Variants in DACH1 observed in about 807,000 individuals in gnomAD.
The protein encoded by DACH1 is dachshund homolog 1.
Under a neutral mutation model 54.2 loss-of-function variants are expected in DACH1, and 12 were observed. The observed-to-expected ratio is 0.22, with a 90% CI of 0.14 to 0.36. The LOEUF is 0.36. Ranked by LOEUF, DACH1 falls within the 10% of genes least tolerant of loss-of-function variation. DACH1 has a pLI of 1.00. For synonymous variants in DACH1, 386 were observed against 366.2 expected (o/e 1.05, Z -0.62); for missense variants, 805 against 929.8 (o/e 0.87, Z 1.75).
chr13:71,669,553 C>T (rs1434670876), intron 2 of DACH1, among the ~76,000 whole-genome samples: 1 of 152,018 alleles, frequency 6.6e-6, no homozygotes, highest in East Asian at 1.9e-4. Flanking sequence ...TGAATCATCC[C>T]AAAACCATAC....
At chr13:71,830,982 T>C (rs1888564185) in intron 1 of DACH1, among the ~76,000 whole-genome samples, 1 of 151,894 alleles carries the variant, frequency 6.6e-6, no homozygotes, top group Non-Finnish European at 1.5e-5. Context: ...AAAGGCAATA[T>C]GTTAGGGAAT....
intron 6 of DACH1, among the ~76,000 whole-genome samples, chr13:71,527,125 A>G (rs143016718): frequency 6.6e-6 from 1 of 152,034 alleles, no homozygotes; most frequent in African/African-American, 2.4e-5. Flanking sequence ...AGTTGCCTTC[A>G]ATATGTTTGC....
At chr13:71,571,766 C>T (rs1254083421) in intron 4 of DACH1, among the ~76,000 whole-genome samples, 2 of 142,504 alleles carry the variant, frequency 1.4e-5, no homozygotes, top group African/African-American at 2.6e-5. Context: ...GACGGAGTCT[C>T]ACTGTGTCAC....
At chr13:71,493,012 A>G (rs1879116150) in intron 6 of DACH1, among the ~76,000 whole-genome samples, 1 of 151,528 alleles carries the variant, frequency 6.6e-6, no homozygotes, top group African/African-American at 2.4e-5. Context: ...CTTTTTTGTG[A>G]CATGTTCTTA....
intron 6 of DACH1, among the ~76,000 whole-genome samples, chr13:71,513,170 T>C (rs1293705371): frequency 6.6e-6 from 1 of 151,970 alleles, no homozygotes; most frequent in Admixed American, 6.6e-5. Context: ...ATTAATGTGC[T>C]GAAATCCTTT....
intron 1 of DACH1, among the ~76,000 whole-genome samples, chr13:71,740,590 A>G (rs1459788512): frequency 2.6e-5 from 4 of 152,168 alleles, no homozygotes; most frequent in East Asian, 3.9e-4. Flanking sequence ...TTATGTTAAG[A>G]CAGTTCAAAT....
intron 6 of DACH1, among the ~76,000 whole-genome samples, chr13:71,513,692 T>C (rs1270419295): frequency 1.3e-5 from 2 of 152,106 alleles, no homozygotes; most frequent in Admixed American, 6.6e-5. Flanking sequence ...TCATATTAAA[T>C]CTAAACAATT....
intron 6 of DACH1, among the ~76,000 whole-genome samples, chr13:71,491,557 C>T (rs959802032): frequency 1.4e-4 from 22 of 152,082 alleles, no homozygotes; most frequent in Non-Finnish European, 2.4e-4. Context: ...TACGTAAGGA[C>T]GCTTTAATTC....
intron 1 of DACH1, among the ~76,000 whole-genome samples, chr13:71,807,523 A>T (rs1887555093): frequency 6.6e-6 from 1 of 152,092 alleles, no homozygotes; most frequent in Non-Finnish European, 1.5e-5. Context: ...CAGAGAGAAA[A>T]CAGAGTGTGT....
At chr13:71,845,201 T>G (rs1873147425) in intron 1 of DACH1, among the ~76,000 whole-genome samples, 1 of 151,992 alleles carries the variant, frequency 6.6e-6, no homozygotes, top group African/African-American at 2.4e-5. Context: ...ACAACATCAT[T>G]ATGTATCCCA....
chr13:71,580,963 T>A (rs1338222876), intron 3 of DACH1, among the ~76,000 whole-genome samples: 1 of 151,998 alleles, frequency 6.6e-6, no homozygotes, highest in East Asian at 1.9e-4. Context: ...GGTCTTCATT[T>A]TTTTCCCATT....
chr13:71,704,538 A>G, intron 1 of DACH1: 1 of 411,070 alleles, frequency 2.4e-6, no homozygotes, highest in Non-Finnish European at 4.9e-6. Context: ...CCAAAGAGAA[A>G]CATACCTGGG....
intron 1 of DACH1, among the ~76,000 whole-genome samples, chr13:71,721,046 T>C (rs1306605417): frequency 6.6e-6 from 1 of 152,076 alleles, no homozygotes; most frequent in Non-Finnish European, 1.5e-5. Flanking sequence ...TTGGAAAAAA[T>C]AGGGAAACAT....
chr13:71,457,210 G>A (rs1875647367), intron 10 of DACH1, among the ~76,000 whole-genome samples: 1 of 151,890 alleles, frequency 6.6e-6, no homozygotes, highest in African/African-American at 2.4e-5. Context: ...TTTTGTTTAT[G>A]ACTCTATTCA....
chr13:71,748,236 G>A (rs575085218), intron 1 of DACH1, among the ~76,000 whole-genome samples: 55 of 152,000 alleles, frequency 3.6e-4, no homozygotes, highest in African/African-American at 1.3e-3. Context: ...GTGAAGCAGG[G>A]TAACATTGTC....
intron 10 of DACH1, among the ~76,000 whole-genome samples, chr13:71,474,317 A>G (rs1877333794): frequency 1.3e-5 from 2 of 152,170 alleles, no homozygotes. Context: ...ATATCCTAAA[A>G]ATGATTGAGT....
chr13:71,854,115 T>C (rs1251501801), intron 1 of DACH1, among the ~76,000 whole-genome samples: 1 of 152,202 alleles, frequency 6.6e-6, no homozygotes, highest in Non-Finnish European at 1.5e-5. Flanking sequence ...TATGCCATTT[T>C]AATTTTATTT....
chr13:71,849,539 T>C (rs1594299317), intron 1 of DACH1, among the ~76,000 whole-genome samples: 1 of 152,310 alleles, frequency 6.6e-6, no homozygotes, highest in South Asian at 2.1e-4. Context: ...CCCTTTTTTC[T>C]CCTTTTTCAT....
At chr13:71,810,748 C>G (rs1028870822) in intron 1 of DACH1, among the ~76,000 whole-genome samples, 7 of 152,248 alleles carry the variant, frequency 4.6e-5, no homozygotes, top group African/African-American at 1.7e-4. Context: ...GTTACAGTTA[C>G]TTGTGGAGTA....
Sources: gnomAD v4.1 joint callset for allele counts (sites outside exome capture counted in the v4.1 genomes callset) on GRCh38, gnomAD v4.1.1 for gene constraint, MANE v1.5 for transcripts, NCBI Gene and HGNC (gene_info 2026-07-23, HGNC 2026-07-21) for gene names.